Variants in PRIMPOL observed in about 807,000 individuals in gnomAD.
PRIMPOL encodes DNA-directed primase/polymerase protein.
PRIMPOL carries 54 observed loss-of-function variants against 63.6 expected under a neutral mutation model. The ratio of observed to expected loss-of-function variants is 0.85; its 90% CI spans 0.68 to 1.07. The LOEUF is 1.07. PRIMPOL is among the 50% of genes least tolerant of loss of function. The pLI is 0.00. For synonymous variants in PRIMPOL, 197 were observed against 220.2 expected (o/e 0.89, Z 0.93); for missense variants, 610 against 648.3 (o/e 0.94, Z 0.64).
intron 11 of PRIMPOL, 45 bp from the exon 12 acceptor site, chr4:184,691,454 C>T: frequency 8.4e-7 from 1 of 1,186,918 alleles, no homozygotes. Context: ...TTGTTTTCTA[C>T]CCAGTCTTGG....
chr4:184,679,308 T>G (rs1258149791), intron 8 of PRIMPOL, among the ~76,000 whole-genome samples: 2 of 152,132 alleles, frequency 1.3e-5, no homozygotes, highest in Non-Finnish European at 2.9e-5. Flanking sequence ...GTGTTAATGT[T>G]GGCTAGGCAC....
At chr4:184,688,576 T>C (rs1757608379) in intron 11 of PRIMPOL, among the ~76,000 whole-genome samples, 1 of 152,180 alleles carries the variant, frequency 6.6e-6, no homozygotes, top group Non-Finnish European at 1.5e-5. Context: ...CCCTTCCTGC[T>C]CTTTCTGACT....
chr4:184,685,153 C>T (rs1011014904), intron 9 of PRIMPOL, among the ~76,000 whole-genome samples: 2 of 152,134 alleles, frequency 1.3e-5, no homozygotes, highest in Admixed American at 1.3e-4. Context: ...CTGCCTTTCT[C>T]TTTGCCAAAA....
At chr4:184,669,936 G>T (rs1751119599) in intron 6 of PRIMPOL, among the ~76,000 whole-genome samples, 2 of 152,128 alleles carry the variant, frequency 1.3e-5, no homozygotes, top group African/African-American at 4.8e-5. Context: ...AGTTGCTATT[G>T]TCAGCCTTTC....
At chr4:184,676,402 C>T (rs1373780379) in intron 7 of PRIMPOL, among the ~76,000 whole-genome samples, 1 of 125,106 alleles carries the variant, frequency 8.0e-6, no homozygotes, top group African/African-American at 3.5e-5. Flanking sequence ...TCCCTTCCCC[C>T]TTCCCTTCTC....
chr4:184,666,688 C>T (rs1749981232), intron 6 of PRIMPOL, among the ~76,000 whole-genome samples: 1 of 152,184 alleles, frequency 6.6e-6, no homozygotes, highest in Non-Finnish European at 1.5e-5. Context: ...CATTTCAAGC[C>T]TTATCTGCAA....
At chr4:184,656,879 C>T (rs1432251557) in intron 2 of PRIMPOL, among the ~76,000 whole-genome samples, 3 of 152,154 alleles carry the variant, frequency 2.0e-5, no homozygotes, top group African/African-American at 7.2e-5. Flanking sequence ...CTTCATTAAC[C>T]TGTCCAAGGT....
intron 9 of PRIMPOL, 99 bp from the exon 10 acceptor site, chr4:184,685,310 A>G (rs1017294331): frequency 3.6e-6 from 3 of 828,542 alleles, no homozygotes; most frequent in Middle Eastern, 3.3e-4. Context: ...GAAGGCTGAG[A>G]GATTGCAAAA....
At chr4:184,673,168 A>C (rs1251663304) in intron 7 of PRIMPOL, among the ~76,000 whole-genome samples, 4 of 136,750 alleles carry the variant, frequency 2.9e-5, no homozygotes, top group Non-Finnish European at 4.7e-5. Flanking sequence ...CCCGCTCTTT[A>C]GCCCAGGCCG....
chr4:184,655,102 T>A (rs28421941), intron 2 of PRIMPOL, among the ~76,000 whole-genome samples: 1 of 151,916 alleles, frequency 6.6e-6, no homozygotes, highest in Non-Finnish European at 1.5e-5. Context: ...CTCTGCCTCC[T>A]GGGTTCAAGC....
At chr4:184,655,161 C>G (rs1375847492) in intron 2 of PRIMPOL, among the ~76,000 whole-genome samples, 1 of 152,034 alleles carries the variant, frequency 6.6e-6, no homozygotes, top group Non-Finnish European at 1.5e-5. Flanking sequence ...AGGTGCCCGC[C>G]ACCACGCCTG....
intron 8 of PRIMPOL, among the ~76,000 whole-genome samples, chr4:184,679,464 A>AAAAT (rs1561047016): frequency 6.6e-6 from 1 of 152,226 alleles, no homozygotes; most frequent in East Asian, 1.9e-4. Context: ...GCTAAAAACT[A>AAAAT]AAATAAATAA....
rs541791674 is a variant in PRIMPOL, at chr4:184,667,435, C to T, written c.556+1371C>T. On this transcript the variant is annotated intron_variant, in intron 6 of 13. Coordinates refer to ENST00000314970, the MANE Select transcript of PRIMPOL (RefSeq NM_152683.4). ...AAGCGATTCTCCTGCCTCAGCCTCC[C>T]GAGTAGCTGAGACTACAGGCGTGTG... Among the ~76,000 whole-genome samples the T allele has an allele frequency of 8.5e-5, 13 of 152,242 alleles. No individual in the cohort carries two copies. In the East Asian group the frequency reaches 1.4e-3, roughly 16 times the overall value.
intron 2 of PRIMPOL, among the ~76,000 whole-genome samples, chr4:184,654,046 T>C (rs995444682): frequency 6.6e-6 from 1 of 152,244 alleles, no homozygotes; most frequent in African/African-American, 2.4e-5. Context: ...TTGATGCTCA[T>C]GGTTTCCCCA....
At chr4:184,655,213 T>G (rs934583567) in intron 2 of PRIMPOL, among the ~76,000 whole-genome samples, 2 of 151,958 alleles carry the variant, frequency 1.3e-5, no homozygotes, top group African/African-American at 4.8e-5. Context: ...TTTCACCATA[T>G]TGGTCAGGCT....
chr4:184,693,378 C>T (rs1341921499), intron 13 of PRIMPOL, among the ~76,000 whole-genome samples: 4 of 152,038 alleles, frequency 2.6e-5, no homozygotes, highest in Non-Finnish European at 5.9e-5. Context: ...ACTTTTTCCG[C>T]TTATCTAGTA....
In PRIMPOL at chr4:184,661,768, A is replaced by G; in HGVS notation, c.279-6A>G. 5 of 1,574,962 alleles carry G rather than the reference A, an allele frequency of 3.2e-6. No homozygotes were observed. The highest frequency in any genetic ancestry group is 1.1e-5 in the South Asian group (1 of 88,470). On this transcript the variant is annotated splice_polypyrimidine_tract_variant and splice_region_variant and intron_variant, in intron 4 of 13. Coordinates refer to ENST00000314970, the MANE Select transcript of PRIMPOL (RefSeq NM_152683.4). ...CAATTTAACAATCTTGAATTATTCA[A>G]TTTAGAAAAAATCTCTTACACTGCT... is the stretch of plus-strand genomic sequence containing the variant.
At chr4:184,652,206 T>G (rs745812343) in intron 2 of PRIMPOL, 106 bp downstream of exon 2, 1 of 152,130 alleles carries the variant, frequency 6.6e-6, no homozygotes, top group Non-Finnish European at 1.5e-5. Flanking sequence ...GAGTAAGAAA[T>G]GAAATAGGTA....
intron 11 of PRIMPOL, among the ~76,000 whole-genome samples, chr4:184,686,136 A>T (rs1330750915): frequency 6.6e-6 from 1 of 152,212 alleles, no homozygotes; most frequent in Non-Finnish European, 1.5e-5. Flanking sequence ...TATGGTTAGC[A>T]TTACATAATA....
Sources: allele counts gnomAD v4.1 joint callset (sites outside exome capture counted in the v4.1 genomes callset), GRCh38; gene constraint gnomAD v4.1.1; transcripts MANE v1.5; gene names NCBI Gene and HGNC (gene_info 2026-07-23, HGNC 2026-07-21).